Variants in ENTHD1 observed in about 807,000 individuals in gnomAD.
The protein encoded by ENTHD1 is ENTH domain containing 1.
A neutral mutation model predicts 39.1 loss-of-function variants in ENTHD1; 23 were observed. That is an observed-to-expected ratio of 0.59 (90% confidence interval 0.42 to 0.83). The LOEUF (loss-of-function observed/expected upper bound fraction) is 0.83. Among genes scored for constraint, ENTHD1 ranks in the 40% least tolerant of loss-of-function variants. The probability of loss-of-function intolerance (pLI) is 0.00; values close to 1 mark genes in which losing one functional copy is unlikely to be tolerated. For missense variants in ENTHD1, 624 were observed against 705.4 expected, an observed-to-expected ratio of 0.88 and a Z score of 1.31; for synonymous variants, 230 against 258.2, an observed-to-expected ratio of 0.89 and a Z score of 1.05.
chr22:39,795,907 C>T (rs1315275148), intron 5 of ENTHD1, among the ~76,000 whole-genome samples: 3 of 152,048 alleles, frequency 2.0e-5, no homozygotes, highest in African/African-American at 7.2e-5. Flanking sequence ...TCTGTGGTCT[C>T]AGTTGTTATG....
rs79340335 is a variant in ENTHD1, at chr22:39,796,872, C to G, written c.832+24121G>C. ...GTTGGATAAAATGTTCTATAGATGGCTGTTAGGTCCATTTAGTCTAAAGTG... is the reference window on the plus strand; with the variant it reads ...GTTGGATAAAATGTTCTATAGATGGGTGTTAGGTCCATTTAGTCTAAAGTG... On this transcript the variant is annotated intron_variant, in intron 5 of 6. Coordinates refer to ENST00000325157, the MANE Select transcript of ENTHD1 (RefSeq NM_152512.4). Among the ~76,000 whole-genome samples, 129 of 152,244 alleles carry G rather than the reference C, an allele frequency of 8.5e-4. 2 individuals are homozygous for G. In the East Asian group the frequency reaches 0.022, roughly 26 times the overall value.
chr22:39,890,315 C>G (rs2066416849), intron 1 of ENTHD1, among the ~76,000 whole-genome samples: 1 of 151,836 alleles, frequency 6.6e-6, no homozygotes, highest in African/African-American at 2.4e-5. Flanking sequence ...CAGTGAAAAA[C>G]TGATTTATAA....
chr22:39,757,190 A>C (rs2065191566), intron 6 of ENTHD1, among the ~76,000 whole-genome samples: 1 of 152,176 alleles, frequency 6.6e-6, no homozygotes, highest in Admixed American at 6.6e-5. Context: ...GAGGTCTTAC[A>C]TGTCTTTTGT....
chr22:39,776,193 A>T (rs9941962), intron 5 of ENTHD1, among the ~76,000 whole-genome samples: 1 of 152,140 alleles, frequency 6.6e-6, no homozygotes, highest in Non-Finnish European at 1.5e-5. Context: ...ACACCCAGCT[A>T]AATACTGTCT....
At chr22:39,752,742 G>T (rs1276516104) in intron 6 of ENTHD1, among the ~76,000 whole-genome samples, 3 of 152,158 alleles carry the variant, frequency 2.0e-5, no homozygotes, top group African/African-American at 7.2e-5. Flanking sequence ...AATAGGTGTG[G>T]TTTTTTGCCT....
At chr22:39,763,943 A>G (rs1330772756) in intron 6 of ENTHD1, among the ~76,000 whole-genome samples, 1 of 152,186 alleles carries the variant, frequency 6.6e-6, no homozygotes, top group African/African-American at 2.4e-5. Flanking sequence ...ACAGGTTTCC[A>G]CATCAGCAGT....
chr22:39,799,753 G>C (rs2065583531), intron 5 of ENTHD1, among the ~76,000 whole-genome samples: 1 of 152,162 alleles, frequency 6.6e-6, no homozygotes, highest in African/African-American at 2.4e-5. Flanking sequence ...TTCACTGTGG[G>C]CATGTTTAGG....
intron 2 of ENTHD1, among the ~76,000 whole-genome samples, chr22:39,866,018 C>G (rs1363349802): frequency 6.6e-6 from 1 of 152,232 alleles, no homozygotes; most frequent in Non-Finnish European, 1.5e-5. Context: ...AAGTCTCCCT[C>G]TTCAAATTTG....
chr22:39,803,507 G>A (rs752468831), intron 5 of ENTHD1, among the ~76,000 whole-genome samples: 45 of 152,006 alleles, frequency 3.0e-4, no homozygotes, highest in Non-Finnish European at 5.6e-4. Flanking sequence ...CTCCTTGAAG[G>A]CAGAGTCTGC....
chr22:39,872,805 C>A (rs1385651180), intron 2 of ENTHD1, among the ~76,000 whole-genome samples: 2 of 150,980 alleles, frequency 1.3e-5, no homozygotes, highest in African/African-American at 4.9e-5. Flanking sequence ...TGAAAAGCTA[C>A]AATGGCAAGA....
rs1226512582 is a variant in ENTHD1 at position 39,745,298 on chromosome 22, A to AC, written c.1220-1016dup. 3.3e-5 allele frequency among the ~76,000 whole-genome samples: 5 copies of AC among 152,356 alleles called. No individual in the cohort carries two copies. In the East Asian group the frequency reaches 9.6e-4, roughly 29 times the overall value. The stretch of plus-strand genomic sequence containing the variant: ...ACTCTTTGCAACGAACTCTGAACTT[A>AC]CTACTTAAAAAAAAATTCCATTGTA... On this transcript the variant is annotated intron_variant, in intron 6 of 6. Transcript: ENST00000325157.
chr22:39,875,333 C>G, intron 2 of ENTHD1: 1 of 1,333,410 alleles, frequency 7.5e-7, no homozygotes, highest in Non-Finnish European at 9.5e-7. Context: ...CGCGCCCGTC[C>G]TGTCGGCCAC....
At chr22:39,797,274 G>A (rs1378537452) in intron 5 of ENTHD1, among the ~76,000 whole-genome samples, 1 of 152,206 alleles carries the variant, frequency 6.6e-6, no homozygotes, top group Non-Finnish European at 1.5e-5. Flanking sequence ...ATCGTAGGCA[G>A]CATATAGTTG....
intron 5 of ENTHD1, among the ~76,000 whole-genome samples, chr22:39,787,507 C>T (rs1195194037): frequency 1.3e-4 from 20 of 151,988 alleles, no homozygotes; most frequent in Admixed American, 9.2e-4. Flanking sequence ...GAAAAGTTCC[C>T]GAAGGAATTA....
intron 6 of ENTHD1, among the ~76,000 whole-genome samples, chr22:39,759,310 C>T (rs142102221): frequency 6.6e-6 from 1 of 152,058 alleles, no homozygotes; most frequent in East Asian, 1.9e-4. Flanking sequence ...TCTTTTTTCC[C>T]CAGCTTATTT....
In ENTHD1 at chr22:39,830,490, T is replaced by C. The variant is rs563754822; in HGVS notation, c.711+5350A>G. The stretch of plus-strand genomic sequence containing the variant: ...AAAAACAATTGAATCCGATACCTAA[T>C]TGGGTTGGGGAAAGGCATCAGGAAC... On this transcript the variant is annotated intron_variant, in intron 4 of 6. Transcript: ENST00000325157. 7.9e-5 allele frequency among the ~76,000 whole-genome samples: 12 copies of C among 152,250 alleles called. No individual in the cohort carries two copies. The South Asian group carries it at 2.5e-3, about 32-fold the overall frequency.
intron 6 of ENTHD1, among the ~76,000 whole-genome samples, chr22:39,757,393 C>T (rs1013752484): frequency 6.6e-5 from 10 of 152,066 alleles, no homozygotes; most frequent in African/African-American, 1.9e-4. Flanking sequence ...CCTCAGCCTC[C>T]CAAGGAGCTG....
At chr22:39,784,282 C>T (rs1238826875) in intron 5 of ENTHD1, among the ~76,000 whole-genome samples, 2 of 151,996 alleles carry the variant, frequency 1.3e-5, no homozygotes, top group Non-Finnish European at 2.9e-5. Context: ...GGGTAACTGG[C>T]GTATACTGTT....
intron 4 of ENTHD1, among the ~76,000 whole-genome samples, chr22:39,835,263 G>A (rs917602617): frequency 1.3e-4 from 20 of 151,956 alleles, no homozygotes; most frequent in Middle Eastern, 3.2e-3. Flanking sequence ...AAGGGCATAC[G>A]GGACTCTGTA....
Sources: allele counts gnomAD v4.1 joint callset (sites outside exome capture counted in the v4.1 genomes callset), GRCh38; gene constraint gnomAD v4.1.1; transcripts MANE v1.5; gene names NCBI Gene and HGNC (gene_info 2026-07-23, HGNC 2026-07-21).